PAM: variants seen among roughly 807,000 people sequenced by gnomAD.
PAM encodes peptidylglycine alpha-amidating monooxygenase, also known as peptidyl-glycine alpha-amidating monooxygenase.
Under a neutral mutation model 122.1 loss-of-function variants are expected in PAM, and 72 were observed. That is an observed-to-expected ratio of 0.59 (90% CI 0.49 to 0.72). PAM has a LOEUF of 0.72. Ranked by LOEUF, PAM falls within the 30% of genes least tolerant of loss-of-function variation. The pLI is 0.00. For missense variants in PAM, 1,106 were observed against 1,183.7 expected, an observed-to-expected ratio of 0.93 and a Z score of 0.96; for synonymous variants, 389 against 404.4, an observed-to-expected ratio of 0.96 and a Z score of 0.46.
intron 16 of PAM, among the ~76,000 whole-genome samples, chr5:102,996,559 G>A (rs902534135): frequency 1.3e-5 from 2 of 152,244 alleles, no homozygotes; most frequent in African/African-American, 4.8e-5. Context: ...TTTCTCATTT[G>A]AGAAAAGATG....
In PAM at chr5:102,866,073, A is replaced by C. The variant is rs1407700648; in HGVS notation, c.-123A>C. On this transcript the variant is annotated 5_prime_UTR_variant, in exon 2 of 26. Transcript: ENST00000438793. ...CTGGCGGATGGTGTGTGGCCGCCGC[A>C]GGACGCCCGCCGTGCCCGGGCCATG... 2 of 552,514 alleles carry C rather than the reference A, an allele frequency of 3.6e-6. No homozygotes were observed. The highest frequency in any genetic ancestry group is 3.3e-5 in the East Asian group (1 of 29,868). 34.2% of individuals were successfully genotyped at this position (552,514 alleles called of 1,614,324 possible).
chr5:102,782,820 G>GT (rs1334692753), intron 1 of PAM, among the ~76,000 whole-genome samples: 612 of 140,396 alleles, frequency 4.4e-3, no homozygotes, highest in African/African-American at 9.0e-3. Flanking sequence ...TTGTCAATCA[G>GT]TTTTTTTTTT....
intron 24 of PAM, among the ~76,000 whole-genome samples, chr5:103,027,944 A>G (rs1231388706): frequency 6.6e-6 from 1 of 152,166 alleles, no homozygotes; most frequent in East Asian, 1.9e-4. Flanking sequence ...TGAAGCTCAG[A>G]GAAGTAATTT....
chr5:103,028,946 C>T lies in PAM; in HGVS notation c.2803C>T (p.Arg935Ter), dbSNP rs748174892. 2.5e-6 allele frequency: 4 copies of T among 1,613,526 alleles called. No individual in the cohort carries two copies. Among genetic ancestry groups the T allele is most frequent in the Admixed American group, 1.7e-5 (1 of 59,978 alleles). Residue 935 changes from arginine to a stop codon, truncating the protein, a stop_gained, in exon 26 of 26, where the codon CGA becomes TGA. Transcript: ENST00000438793. LOFTEE classifies it high-confidence loss of function. The stretch of plus-strand genomic sequence containing the variant: ...CTTTGCAAGCCGTAAGGGCTACAGT[C>T]GAAAAGGGTTTGACCGGCTTAGCAC... ...NFFASRKGYSRKGFDRLSTEG... is the reference protein window; with the variant it reads ...NFFASRKGYS
chr5:102,947,126 T>G (rs891368771), intron 8 of PAM, among the ~76,000 whole-genome samples: 13 of 152,138 alleles, frequency 8.5e-5, no homozygotes, highest in Admixed American at 2.0e-4. Flanking sequence ...TCAGTCAGCT[T>G]AAGGCTTGAC....
chr5:102,856,162 T>G (rs1026850518), intron 1 of PAM, among the ~76,000 whole-genome samples: 2 of 152,172 alleles, frequency 1.3e-5, no homozygotes, highest in African/African-American at 2.4e-5. Flanking sequence ...ACTTGCTTCA[T>G]GAGTTAAGGC....
intron 3 of PAM, among the ~76,000 whole-genome samples, chr5:102,888,078 C>G (rs1455315948): frequency 2.0e-5 from 3 of 152,074 alleles, no homozygotes; most frequent in African/African-American, 7.2e-5. Flanking sequence ...CTTCACCAGA[C>G]TGCAGACTAT....
chr5:102,766,007 A>G (rs2149711841), intron 1 of PAM, among the ~76,000 whole-genome samples: 1 of 152,244 alleles, frequency 6.6e-6, no homozygotes, highest in African/African-American at 2.4e-5. Flanking sequence ...TCGGCATGAT[A>G]CAATACACAT....
chr5:102,759,704 A>T (rs1021322462), intron 1 of PAM, among the ~76,000 whole-genome samples: 2 of 152,208 alleles, frequency 1.3e-5, no homozygotes, highest in African/African-American at 4.8e-5. Flanking sequence ...AACTGAGAGG[A>T]GTTTAATGTG....
intron 3 of PAM, among the ~76,000 whole-genome samples, chr5:102,879,104 A>G (rs1448082050): frequency 2.0e-5 from 3 of 151,216 alleles, no homozygotes; most frequent in Non-Finnish European, 4.4e-5. Flanking sequence ...AATTTTTTGT[A>G]TTTTTTTAGT....
chr5:102,822,395 C>A (rs1291202352), intron 1 of PAM, among the ~76,000 whole-genome samples: 1 of 152,116 alleles, frequency 6.6e-6, no homozygotes, highest in Admixed American at 6.6e-5. Context: ...CGAGCACATA[C>A]ACGCATTCAC....
chr5:102,914,398 T>C (rs1017439678), intron 5 of PAM, among the ~76,000 whole-genome samples: 3 of 152,046 alleles, frequency 2.0e-5, no homozygotes, highest in Non-Finnish European at 4.4e-5. Flanking sequence ...CATCACACAA[T>C]ATACCATGTA....
chr5:102,893,544 T>A (rs1160723864), intron 3 of PAM, among the ~76,000 whole-genome samples: 1 of 151,828 alleles, frequency 6.6e-6, no homozygotes, highest in African/African-American at 2.4e-5. Flanking sequence ...TCTGTTGGGT[T>A]GTTTCTAAAA....
chr5:102,798,762 T>C (rs913198958), intron 1 of PAM, among the ~76,000 whole-genome samples: 1 of 152,154 alleles, frequency 6.6e-6, no homozygotes, highest in African/African-American at 2.4e-5. Context: ...TTTTCTGTTA[T>C]AAAGCCCTCT....
Position 102,837,354 on chromosome 5 carries a change from A to G in PAM, c.-373-28469A>G, listed in dbSNP as rs568614445. Reference sequence around the variant, plus strand: ...AAATGCCACAGCCCACCTGCCCTCAATAAAAGCCAGGTAGGAATAAATAAT... The same window carrying G: ...AAATGCCACAGCCCACCTGCCCTCAGTAAAAGCCAGGTAGGAATAAATAAT... On this transcript the variant is annotated intron_variant, in intron 1 of 25. Coordinates refer to ENST00000438793, the MANE Select transcript of PAM (RefSeq NM_001177306.2). Among the ~76,000 whole-genome samples, 15 of 152,250 alleles carry G rather than the reference A, an allele frequency of 9.9e-5. No individual in the cohort carries two copies. The East Asian group carries it at 2.9e-3, about 29-fold the overall frequency.
At chr5:102,766,372 A>G (rs1231389360) in intron 1 of PAM, among the ~76,000 whole-genome samples, 1 of 152,200 alleles carries the variant, frequency 6.6e-6, no homozygotes, top group Non-Finnish European at 1.5e-5. Flanking sequence ...ATCATCAGGC[A>G]TTAGATTCTC....
At chr5:102,796,176 G>A (rs2150046313) in intron 1 of PAM, among the ~76,000 whole-genome samples, 1 of 152,234 alleles carries the variant, frequency 6.6e-6, no homozygotes, top group Middle Eastern at 3.4e-3. Flanking sequence ...AAGTTAATGA[G>A]GGCAACACCA....
At chr5:102,985,611 A>C (rs1327325737) in intron 15 of PAM, among the ~76,000 whole-genome samples, 1 of 152,134 alleles carries the variant, frequency 6.6e-6, no homozygotes, top group Non-Finnish European at 1.5e-5. Context: ...AATGAAAAAA[A>C]TCTCCCATCA....
At chr5:102,935,121 AC>A (rs1752832857) in intron 7 of PAM, among the ~76,000 whole-genome samples, 2 of 151,850 alleles carry the variant, frequency 1.3e-5, no homozygotes, top group South Asian at 4.2e-4. Flanking sequence ...AATTGATAAA[AC>A]CCTCTTCAAT....
Sources: gnomAD v4.1 joint callset for allele counts (sites outside exome capture counted in the v4.1 genomes callset) on GRCh38, gnomAD v4.1.1 for gene constraint, MANE v1.5 for transcripts, NCBI Gene and HGNC (gene_info 2026-07-23, HGNC 2026-07-21) for gene names.